The following IL12RB1 variants were observed in gnomAD, a reference collection of about 807,000 sequenced individuals.
IL12RB1 encodes the protein interleukin 12 receptor subunit beta 1.
IL12RB1 carries 64 observed loss-of-function variants against 94.4 expected under a neutral mutation model. The ratio of observed to expected loss-of-function variants is 0.68; its 90% confidence interval spans 0.55 to 0.83. IL12RB1 has a LOEUF of 0.83. Ranked by LOEUF, IL12RB1 falls within the 40% of genes least tolerant of loss-of-function variation. IL12RB1 has a pLI of 0.00. For synonymous variants in IL12RB1, 362 were observed against 355.5 expected (o/e 1.02, Z -0.21); for missense variants, 814 against 855.6 (o/e 0.95, Z 0.61).
chr19:18,076,402 T>C (rs2146321399), intron 5 of IL12RB1, 75 bp from the exon 6 acceptor site: 1 of 784,454 alleles, frequency 1.3e-6, no homozygotes, highest in Non-Finnish European at 2.3e-6. Context: ...CAATTAGTTA[T>C]TTATTTACTT....
At chr19:18,062,549 G>C (rs1371620831) in intron 13 of IL12RB1, among the ~76,000 whole-genome samples, 2 of 152,172 alleles carry the variant, frequency 1.3e-5, no homozygotes, top group Non-Finnish European at 2.9e-5. Flanking sequence ...AACGTGGGCT[G>C]ATCACCTGAG....
chr19:18,087,981 C>T (rs928484120), upstream of IL12RB1, among the ~76,000 whole-genome samples: 8 of 152,146 alleles, frequency 5.3e-5, no homozygotes, highest in African/African-American at 1.7e-4. Context: ...GCCTTGTGCA[C>T]CTGGGCTCAC....
rs2035668548 is a variant in IL12RB1, at chr19:18,078,794, T to G, written c.410-1139A>C. 2.0e-5 allele frequency among the ~76,000 whole-genome samples: 3 copies of G among 152,166 alleles called. No homozygotes were observed. The South Asian group carries it at 6.2e-4, about 31-fold the overall frequency. ...ATAAATTAGCATAAAATAGTCTTGCTGCACCGTGGTCATACCCGGCCTGAT... is the reference window on the plus strand; with the variant it reads ...ATAAATTAGCATAAAATAGTCTTGCGGCACCGTGGTCATACCCGGCCTGAT... On this transcript the variant is annotated intron_variant, in intron 4 of 16. Transcript: ENST00000593993.
chr19:18,082,307 A>G, intron 2 of IL12RB1, 43 bp from the exon 3 acceptor site: 1 of 1,202,042 alleles, frequency 8.3e-7, no homozygotes, highest in Non-Finnish European at 1.2e-6. Flanking sequence ...CAGAGTCTGG[A>G]GGGGTCTTCG....
At chr19:18,067,902 C>A (rs1297039572) in intron 11 of IL12RB1, among the ~76,000 whole-genome samples, 2 of 151,984 alleles carry the variant, frequency 1.3e-5, no homozygotes, top group Non-Finnish European at 2.9e-5. Context: ...TGCTATGTTG[C>A]CCAGGCTGTT....
chr19:18,075,640 T>C (rs2035415933), intron 7 of IL12RB1, 109 bp downstream of exon 7: 1 of 980,830 alleles, frequency 1.0e-6, no homozygotes, highest in Non-Finnish European at 1.6e-6. Flanking sequence ...CAAGTGATCC[T>C]CCCGCCTCAG....
chr19:18,066,600 G>T lies in IL12RB1; in HGVS notation c.1425C>A (p.Pro475=). 6.2e-7 allele frequency: 1 copy of T among 1,613,314 alleles called. No homozygotes were observed. The highest frequency in any genetic ancestry group is 8.5e-7 in the Non-Finnish European group (1 of 1,179,554). ...GGACAACATACTCCTTTAGGACGCC[G>T]GGACAGGTGCTCAGCAGGGATGGTG... ...DWAPSLLSTC[P]GVLKEYVVRC... The change falls in exon 12 of 17, where the codon CCC becomes CCA. Residue 475 remains proline (P), a synonymous_variant. Coordinates refer to ENST00000593993, the MANE Select transcript of IL12RB1 (RefSeq NM_005535.3).
chr19:18,060,805 C>A (rs1402994760), intron 15 of IL12RB1, among the ~76,000 whole-genome samples: 1 of 152,136 alleles, frequency 6.6e-6, no homozygotes, highest in Non-Finnish European at 1.5e-5. Context: ...AGAGAAGGCT[C>A]AGCCTGCCTG....
intron 11 of IL12RB1, 92 bp from the exon 12 acceptor site, chr19:18,066,789 G>C: frequency 1.1e-6 from 1 of 951,126 alleles, no homozygotes; most frequent in Non-Finnish European, 1.7e-6. Flanking sequence ...CACTTTGGGA[G>C]GCCGAGGTGG....
chr19:18,080,130 A>G (rs532214052), intron 4 of IL12RB1, among the ~76,000 whole-genome samples: 5 of 150,830 alleles, frequency 3.3e-5, no homozygotes, highest in African/African-American at 1.2e-4. Flanking sequence ...ATCTTAGCTC[A>G]CTGCAACATC....
intron 4 of IL12RB1, among the ~76,000 whole-genome samples, chr19:18,079,597 C>T (rs1271691693): frequency 6.8e-6 from 1 of 147,342 alleles, no homozygotes; most frequent in African/African-American, 2.5e-5. Flanking sequence ...AGATATTCGA[C>T]TTTTTTTTTT....
chr19:18,080,516 C>T (rs452520), intron 4 of IL12RB1, among the ~76,000 whole-genome samples: 3,915 of 152,198 alleles, frequency 0.026, 184 homozygotes, highest in African/African-American at 0.09. Flanking sequence ...GGATTACAGG[C>T]GTGATCCACC....
At chr19:18,082,425 T>G in intron 2 of IL12RB1, 161 bp from the exon 3 acceptor site, 2 of 664,734 alleles carry the variant, frequency 3.0e-6, no homozygotes, top group Non-Finnish European at 5.5e-6. Flanking sequence ...CCTCAACCTA[T>G]TCCGAATCCT....
intron 4 of IL12RB1, 75 bp from the exon 5 acceptor site, chr19:18,077,730 G>A (rs1302491846): frequency 4.4e-6 from 4 of 909,294 alleles, no homozygotes; most frequent in African/African-American, 1.6e-5. Context: ...AATCCACCCT[G>A]TCCAGGGTAA....
In IL12RB1 at chr19:18,069,701, A is replaced by C; in HGVS notation, c.1034T>G (p.Leu345Arg). ...PADTHTEPVA[L>R]NISVGTNGTT... is the part of the protein sequence containing the mutation. ...CCCGTTGGTTCCGACGCTGATATTCAGAGCCACTGGTTCTGGAAGGAGAGG... is the reference window on the plus strand; with the variant it reads ...CCCGTTGGTTCCGACGCTGATATTCCGAGCCACTGGTTCTGGAAGGAGAGG... Residue 345 changes from leucine (L) to arginine (R), a missense_variant, in exon 10 of 17, where the codon CTG becomes CGG. Coordinates refer to ENST00000593993, the MANE Select transcript of IL12RB1 (RefSeq NM_005535.3). 2 of 1,611,500 alleles carry C rather than the reference A, an allele frequency of 1.2e-6. No homozygotes were observed. Among genetic ancestry groups the C allele is most frequent in the Non-Finnish European group, 1.7e-6 (2 of 1,178,246 alleles).
At chr19:18,063,076 C>CTT (rs1345434373) in intron 13 of IL12RB1, among the ~76,000 whole-genome samples, 260 of 75,056 alleles carry the variant, frequency 3.5e-3, no homozygotes, top group South Asian at 4.6e-3. Flanking sequence ...TCTTCTTCTT[C>CTT]TATTTTTTTT....
At position 18,075,684 on chromosome 19, in the gene IL12RB1, A is replaced by G. The variant is rs17878653; in HGVS notation, c.700+65T>C. The stretch of plus-strand genomic sequence containing the variant: ...GCAGCTGGAACTACAGGTGTGCACC[A>G]CCACCTCCGGCTGTTGCCTTATTTC... On this transcript the variant is annotated intron_variant, in intron 7 of 16. Coordinates refer to ENST00000593993, the MANE Select transcript of IL12RB1 (RefSeq NM_005535.3). 3.5e-4 allele frequency: 507 copies of G among 1,441,492 alleles called. No individual in the cohort carries two copies. The African/African-American group carries it at 6.2e-3, about 18-fold the overall frequency. The allele number at this position is 1,441,492 out of a possible 1,614,324, so 89.3% of individuals were successfully genotyped here. A position where few individuals can be genotyped will look rare whatever the true frequency, so the allele number is the denominator to read the frequency against.
At position 18,064,003 on chromosome 19, in the gene IL12RB1, G is replaced by A. The variant is rs780351670; in HGVS notation, c.1491C>T (p.Pro497=). The A allele has an allele frequency of 5.0e-5, 81 of 1,611,536 alleles. 2 individuals are homozygous for A. In the South Asian group the frequency reaches 8.2e-4, roughly 16 times the overall value. The change falls in exon 13 of 17, where the codon CCC becomes CCT. Residue 497 remains proline, a synonymous_variant. Coordinates refer to ENST00000593993, the MANE Select transcript of IL12RB1 (RefSeq NM_005535.3). ...TAACTTGGGTCTCTGTGGGCTGCAC[G>A]GGATGCTCTGCAGTGGGAGAGGCAA... ...DEDSKQVSEH[P]VQPTETQVTL...
intron 16 of IL12RB1, 41 bp downstream of exon 16, chr19:18,059,853 G>A: frequency 9.5e-7 from 1 of 1,051,882 alleles, no homozygotes; most frequent in Non-Finnish European, 1.4e-6. Flanking sequence ...CCCCCGGGCA[G>A]GGTTGCACCC....
Sources: gnomAD v4.1 joint callset for allele counts (sites outside exome capture counted in the v4.1 genomes callset) on GRCh38, gnomAD v4.1.1 for gene constraint, MANE v1.5 for transcripts, NCBI Gene and HGNC (gene_info 2026-07-23, HGNC 2026-07-21) for gene names.